The following GRM5 variants were observed in gnomAD, a reference collection of about 807,000 sequenced individuals.
GRM5 encodes the protein metabotropic glutamate receptor 5.
A neutral mutation model predicts 83.1 loss-of-function variants in GRM5; 19 were observed. That is an observed-to-expected ratio of 0.23 (90% CI 0.16 to 0.34). The LOEUF is 0.34. Among genes scored for constraint, GRM5 ranks in the 10% least tolerant of loss-of-function variants. The pLI is 1.00. For missense variants in GRM5, 1,160 were observed against 1,588.3 expected (o/e 0.73, Z 4.58); for synonymous variants, 675 against 633.6 (o/e 1.07, Z -0.98).
intron 4 of GRM5, among the ~76,000 whole-genome samples, chr11:88,648,935 A>C (rs1369950982): frequency 8.5e-3 from 1,288 of 150,840 alleles, no homozygotes; most frequent in African/African-American, 0.03. Flanking sequence ...GAAATTTTTA[A>C]ACTGATGCAA....
At chr11:88,701,769 G>A (rs887422872) in intron 3 of GRM5, among the ~76,000 whole-genome samples, 8 of 152,088 alleles carry the variant, frequency 5.3e-5, no homozygotes, top group African/African-American at 1.9e-4. Flanking sequence ...ATTAGTTACA[G>A]GAGTAAAACT....
chr11:88,634,489 A>T (rs1473413000), intron 4 of GRM5, among the ~76,000 whole-genome samples: 3 of 152,050 alleles, frequency 2.0e-5, no homozygotes, highest in Non-Finnish European at 4.4e-5. Flanking sequence ...GTTTTTGTTA[A>T]AAACCAAGAT....
At chr11:88,962,639 C>G (rs1288007779) in intron 2 of GRM5, among the ~76,000 whole-genome samples, 1 of 152,010 alleles carries the variant, frequency 6.6e-6, no homozygotes, top group African/African-American at 2.4e-5. Flanking sequence ...TATTAAGTAT[C>G]TTCTTTGTAG....
At chr11:88,583,868 A>T (rs1166205621) in intron 7 of GRM5, among the ~76,000 whole-genome samples, 1 of 152,094 alleles carries the variant, frequency 6.6e-6, no homozygotes. Context: ...CTCAAACCAG[A>T]CTACATTTTT....
chr11:88,778,563 C>T (rs1319211573), intron 3 of GRM5, among the ~76,000 whole-genome samples: 2 of 152,152 alleles, frequency 1.3e-5, no homozygotes, highest in African/African-American at 4.8e-5. Flanking sequence ...CAGACTGGAG[C>T]TGTTCCTATT....
intron 2 of GRM5, among the ~76,000 whole-genome samples, chr11:89,034,756 T>C (rs1448427549): frequency 1.3e-5 from 2 of 151,548 alleles, no homozygotes; most frequent in African/African-American, 4.8e-5. Flanking sequence ...TTATATTTTG[T>C]CCAAAAATTT....
intron 3 of GRM5, among the ~76,000 whole-genome samples, chr11:88,820,374 CA>C (rs11457342): frequency 2.1e-3 from 146 of 68,920 alleles, no homozygotes; most frequent in Middle Eastern, 8.5e-3. Flanking sequence ...AACTCCATCT[CA>C]AAAAAAAAAA....
At chr11:89,044,109 T>A (rs78213874) in intron 2 of GRM5, among the ~76,000 whole-genome samples, 20,572 of 152,146 alleles carry the variant, frequency 0.14, 1,910 homozygotes, top group African/African-American at 0.27. Flanking sequence ...GGCACATGTA[T>A]CAAGGTTTGC....
chr11:88,536,183 G>T (rs12284400), intron 8 of GRM5, among the ~76,000 whole-genome samples: 5,940 of 152,114 alleles, frequency 0.039, 416 homozygotes, highest in African/African-American at 0.14. Context: ...AAACGCTTTT[G>T]TTCACATATA....
At chr11:88,969,126 G>T (rs1406539653) in intron 2 of GRM5, among the ~76,000 whole-genome samples, 1 of 151,962 alleles carries the variant, frequency 6.6e-6, no homozygotes, top group African/African-American at 2.4e-5. Flanking sequence ...AAACTAAGTG[G>T]ATAATATAAG....
intron 5 of GRM5, among the ~76,000 whole-genome samples, 158 bp downstream of exon 5, chr11:88,604,560 G>T (rs1938088849): frequency 6.6e-6 from 1 of 152,158 alleles, no homozygotes; most frequent in African/African-American, 2.4e-5. Context: ...AGGAAATGGG[G>T]CTTCTTCTCT....
At chr11:89,064,952 T>C (rs201634619) in intron 1 of GRM5, among the ~76,000 whole-genome samples, 1 of 83,270 alleles carries the variant, frequency 1.2e-5, no homozygotes, top group African/African-American at 4.3e-5. Flanking sequence ...GAGAGAGAGA[T>C]ATTATTTTTG....
At chr11:88,760,854 C>A (rs62355567) in intron 3 of GRM5, among the ~76,000 whole-genome samples, 1 of 152,080 alleles carries the variant, frequency 6.6e-6, no homozygotes, top group African/African-American at 2.4e-5. Context: ...AAAAGCTTAT[C>A]CGTCATGATC....
At chr11:88,758,418 A>G (rs1002862424) in intron 3 of GRM5, among the ~76,000 whole-genome samples, 3 of 152,228 alleles carry the variant, frequency 2.0e-5, no homozygotes. Context: ...AAGACACACT[A>G]CAAGAATTTC....
chr11:88,936,115 G>A (rs1005595766), intron 2 of GRM5, among the ~76,000 whole-genome samples: 2 of 151,878 alleles, frequency 1.3e-5, no homozygotes, highest in African/African-American at 4.8e-5. Flanking sequence ...GGTGTGAAAA[G>A]TGTGTCAGAA....
At chr11:88,831,987 C>A (rs1590893694) in intron 3 of GRM5, among the ~76,000 whole-genome samples, 2 of 152,214 alleles carry the variant, frequency 1.3e-5, no homozygotes, top group Admixed American at 1.3e-4. Flanking sequence ...ATTGCCACCA[C>A]TGGGGCCTGA....
chr11:88,768,297 T>A (rs1942663048), intron 3 of GRM5, among the ~76,000 whole-genome samples: 1 of 152,024 alleles, frequency 6.6e-6, no homozygotes, highest in African/African-American at 2.4e-5. Flanking sequence ...AGCTATAACA[T>A]GGATGACTTT....
chr11:88,812,795 C>T (rs1187091305), intron 3 of GRM5, among the ~76,000 whole-genome samples: 4 of 152,050 alleles, frequency 2.6e-5, no homozygotes, highest in Admixed American at 6.6e-5. Flanking sequence ...AATTAAAATA[C>T]TCTTTTTGAA....
intron 2 of GRM5, among the ~76,000 whole-genome samples, chr11:89,015,742 G>T (rs80274657): frequency 0.011 from 1,649 of 152,256 alleles, 26 homozygotes; most frequent in African/African-American, 0.038. Flanking sequence ...TTCCCAAATG[G>T]ATAAGAGTTA....
Sources: gnomAD v4.1 joint callset for allele counts (sites outside exome capture counted in the v4.1 genomes callset) on GRCh38, gnomAD v4.1.1 for gene constraint, MANE v1.5 for transcripts, NCBI Gene and HGNC (gene_info 2026-07-23, HGNC 2026-07-21) for gene names.